Variants in LRRTM4 observed in about 807,000 individuals in gnomAD.
LRRTM4 encodes the protein leucine rich repeat transmembrane neuronal 4, also known as leucine-rich repeat transmembrane neuronal protein 4.
Under a neutral mutation model 47.6 loss-of-function variants are expected in LRRTM4, and 25 were observed. That is an observed-to-expected ratio of 0.53 (90% CI 0.38 to 0.73). The LOEUF is 0.73. Ranked by LOEUF, LRRTM4 falls within the 30% of genes least tolerant of loss-of-function variation. The pLI, the probability that LRRTM4 is intolerant of heterozygous loss-of-function variation, is 0.00. For synonymous variants in LRRTM4, 311 were observed against 269.5 expected (o/e 1.15, Z -1.51); for missense variants, 638 against 713.4 (o/e 0.89, Z 1.20).
chr2:77,350,596 G>A (rs78747177), intron 3 of LRRTM4, among the ~76,000 whole-genome samples: 2,694 of 152,126 alleles, frequency 0.018, 83 homozygotes, highest in African/African-American at 0.061. Context: ...AACCATTTAT[G>A]GAAGTGCAAT....
At chr2:77,461,994 A>G (rs1423272747) in intron 3 of LRRTM4, among the ~76,000 whole-genome samples, 1 of 151,970 alleles carries the variant, frequency 6.6e-6, no homozygotes, top group African/African-American at 2.4e-5. Context: ...TCTGGAATTC[A>G]CTCCTCTGTG....
intron 3 of LRRTM4, among the ~76,000 whole-genome samples, chr2:77,403,222 T>A (rs1037761032): frequency 1.3e-5 from 2 of 151,994 alleles, no homozygotes; most frequent in African/African-American, 4.8e-5. Context: ...CTATACTGAC[T>A]TTTTAATACC....
intron 3 of LRRTM4, among the ~76,000 whole-genome samples, chr2:77,126,339 G>C (rs898803458): frequency 2.6e-5 from 4 of 151,982 alleles, no homozygotes; most frequent in Non-Finnish European, 5.9e-5. Context: ...AATTAATAAA[G>C]AAATATATAC....
chr2:76,865,383 T>C (rs1005220822), intron 3 of LRRTM4, among the ~76,000 whole-genome samples: 15 of 152,196 alleles, frequency 9.9e-5, no homozygotes, highest in Admixed American at 4.6e-4. Flanking sequence ...AATGACACCA[T>C]TGGATTTACA....
At chr2:77,475,322 TG>T (rs1175215155) in intron 3 of LRRTM4, among the ~76,000 whole-genome samples, 1 of 152,086 alleles carries the variant, frequency 6.6e-6, no homozygotes, top group Non-Finnish European at 1.5e-5. Flanking sequence ...TTTTTCCTTT[TG>T]GGAAAAGCAC....
At chr2:77,241,420 G>T (rs1171804697) in intron 3 of LRRTM4, among the ~76,000 whole-genome samples, 11 of 151,976 alleles carry the variant, frequency 7.2e-5, no homozygotes, top group Admixed American at 7.2e-4. Flanking sequence ...AGTTTAAAAT[G>T]AGTCAGTAAT....
intron 3 of LRRTM4, among the ~76,000 whole-genome samples, chr2:76,770,854 C>T (rs1673669789): frequency 6.6e-6 from 1 of 152,106 alleles, no homozygotes; most frequent in Non-Finnish European, 1.5e-5. Context: ...CCTTGGAGAG[C>T]TTTTCTAGGT....
chr2:77,027,021 G>T (rs1350906024), intron 3 of LRRTM4, among the ~76,000 whole-genome samples: 1 of 151,942 alleles, frequency 6.6e-6, no homozygotes, highest in Non-Finnish European at 1.5e-5. Flanking sequence ...CCACTACATT[G>T]GTCTTTTGAC....
At chr2:76,951,475 A>T (rs754911004) in intron 3 of LRRTM4, among the ~76,000 whole-genome samples, 18 of 152,176 alleles carry the variant, frequency 1.2e-4, no homozygotes, top group Non-Finnish European at 2.5e-4. Context: ...AAAGAAAAGC[A>T]GGTCACTGGA....
rs983479478 is a variant in LRRTM4, at chr2:77,229,970, A to T, written c.1551+288348T>A. The stretch of plus-strand genomic sequence containing the variant: ...CGCATTTACCACCACTGGAAATGTT[A>T]TACTATGGTGTGTGTCATCTGTCTT... On this transcript the variant is annotated intron_variant, in intron 3 of 3. Coordinates refer to ENST00000409884, the MANE Select transcript of LRRTM4 (RefSeq NM_001134745.3). 3.9e-5 allele frequency among the ~76,000 whole-genome samples: 6 copies of T among 152,220 alleles called. No homozygotes were observed. In the East Asian group the frequency reaches 1.2e-3, roughly 29 times the overall value.
At chr2:77,023,879 G>T (rs1184876920) in intron 3 of LRRTM4, among the ~76,000 whole-genome samples, 1 of 151,994 alleles carries the variant, frequency 6.6e-6, no homozygotes, top group Non-Finnish European at 1.5e-5. Context: ...TTTCAGCAAT[G>T]CCCCACTCTA....
In LRRTM4 at chr2:77,504,098, T is replaced by C. The variant is rs1678674293; in HGVS notation, c.1551+14220A>G. 6.6e-5 allele frequency among the ~76,000 whole-genome samples: 10 copies of C among 151,652 alleles called. No individual in the cohort carries two copies. The South Asian group carries it at 2.1e-3, about 31-fold the overall frequency. On this transcript the variant is annotated intron_variant, in intron 3 of 3. Coordinates refer to ENST00000409884, the MANE Select transcript of LRRTM4 (RefSeq NM_001134745.3). The stretch of plus-strand genomic sequence containing the variant: ...TAAAGTTATAAGAAAATTCTCTCTG[T>C]CTCTCTTCCTTTCTTGAGTGGTAAT...
chr2:77,130,830 T>A (rs1384451816), intron 3 of LRRTM4, among the ~76,000 whole-genome samples: 2 of 81,386 alleles, frequency 2.5e-5, no homozygotes, highest in African/African-American at 5.9e-5. Context: ...TTCTATTTTT[T>A]TTTTTTTTTT....
At chr2:77,049,859 C>T (rs959026024) in intron 3 of LRRTM4, among the ~76,000 whole-genome samples, 5 of 151,972 alleles carry the variant, frequency 3.3e-5, no homozygotes, top group Non-Finnish European at 5.9e-5. Flanking sequence ...TTCATGAAAT[C>T]TTTGCCCAGA....
chr2:76,937,095 T>G (rs1250682125), intron 3 of LRRTM4, among the ~76,000 whole-genome samples: 2 of 151,046 alleles, frequency 1.3e-5, no homozygotes, highest in African/African-American at 2.4e-5. Flanking sequence ...AGGGTGAAAG[T>G]TATACAGAGA....
At chr2:77,507,122 A>G (rs932036263) in intron 3 of LRRTM4, among the ~76,000 whole-genome samples, 13 of 152,024 alleles carry the variant, frequency 8.6e-5, no homozygotes, top group African/African-American at 3.1e-4. Context: ...GCATTCATTT[A>G]CTTTATAACT....
intron 3 of LRRTM4, among the ~76,000 whole-genome samples, chr2:77,101,727 T>G (rs1442452148): frequency 6.6e-6 from 1 of 152,218 alleles, no homozygotes; most frequent in Non-Finnish European, 1.5e-5. Flanking sequence ...GCTAGTCATT[T>G]AGACTAATTT....
chr2:77,274,502 T>G (rs577282817), intron 3 of LRRTM4, among the ~76,000 whole-genome samples: 2 of 152,256 alleles, frequency 1.3e-5, no homozygotes, highest in South Asian at 4.1e-4. Flanking sequence ...TATCAGAAAA[T>G]AATAATCCTG....
intron 3 of LRRTM4, among the ~76,000 whole-genome samples, chr2:77,224,845 C>T (rs7572591): frequency 6.6e-6 from 1 of 151,808 alleles, no homozygotes; most frequent in African/African-American, 2.4e-5. Context: ...ACCATTTGAC[C>T]CAGCCATCCC....
Sources: gnomAD v4.1 joint callset for allele counts (sites outside exome capture counted in the v4.1 genomes callset) on GRCh38, gnomAD v4.1.1 for gene constraint, MANE v1.5 for transcripts, NCBI Gene and HGNC (gene_info 2026-07-23, HGNC 2026-07-21) for gene names.